The following DOCK7 variants were observed in gnomAD, a reference collection of about 807,000 sequenced individuals.
DOCK7 encodes the protein dedicator of cytokinesis 7, also known as dedicator of cytokinesis protein 7.
A neutral mutation model predicts 271.0 loss-of-function variants in DOCK7; 138 were observed. The ratio of observed to expected loss-of-function variants is 0.51; its 90% CI spans 0.44 to 0.59. The LOEUF is 0.59. Among genes scored for constraint, DOCK7 ranks in the 20% least tolerant of loss-of-function variants. The probability of loss-of-function intolerance (pLI) is 0.00; values close to 1 mark genes in which losing one functional copy is unlikely to be tolerated. For missense variants in DOCK7, 2,066 were observed against 2,592.4 expected (o/e 0.80, Z 4.41); for synonymous variants, 823 against 876.1 (o/e 0.94, Z 1.07).
chr1:62,503,162 A>C (rs1646836294), intron 37 of DOCK7, among the ~76,000 whole-genome samples: 1 of 152,174 alleles, frequency 6.6e-6, no homozygotes, highest in South Asian at 2.1e-4. Context: ...GAAACAGACA[A>C]ACACAGTAAT....
chr1:62,621,647 T>C (rs549224998), intron 12 of DOCK7, among the ~76,000 whole-genome samples: 1 of 152,210 alleles, frequency 6.6e-6, no homozygotes, highest in Non-Finnish European at 1.5e-5. Flanking sequence ...TAAGTGGTTA[T>C]AGTTTTTTAT....
At chr1:62,506,926 AACAAGAGCGAAAC>A (rs1646955705) in intron 35 of DOCK7, among the ~76,000 whole-genome samples, 1 of 149,844 alleles carries the variant, frequency 6.7e-6, no homozygotes, top group Admixed American at 6.7e-5. Context: ...CAGCCTGGGC[AACAAGAGCGAAAC>A]TCCACCTCAA....
intron 37 of DOCK7, among the ~76,000 whole-genome samples, chr1:62,503,852 C>T (rs1646860175): frequency 2.0e-5 from 3 of 152,016 alleles, no homozygotes; most frequent in Non-Finnish European, 4.4e-5. Context: ...TCGAGACCAT[C>T]CTGGCTAACA....
At position 62,648,195 on chromosome 1, in the gene DOCK7, G is replaced by C; in HGVS notation, c.643C>G (p.Pro215Ala). 1 of 1,613,610 alleles carries C rather than the reference G, an allele frequency of 6.2e-7. No individual in the cohort carries two copies. Among genetic ancestry groups the C allele is most frequent in the Non-Finnish European group, 8.5e-7 (1 of 1,179,764 alleles). ...TTCTGACGGTCTATTTCTTCATTTG[G>C]AGTTCGATCAAGTAAATTGGGAAGC... is the stretch of plus-strand genomic sequence containing the variant. ...ALLPNLLDRT[P>A]NEEIDRQNDD... The change falls in exon 6 of 50, where the codon CCA (proline) becomes GCA (alanine). Residue 215 changes from proline (P) to alanine (A), a missense_variant. Physicochemically the swap from Pro to Ala is conservative, Grantham distance 27. Around this residue, in one of 2 missense-constraint regions of DOCK7, gnomAD observed 1,414 missense variants for 1,670.4 expected, o/e 0.85. Transcript: ENST00000635253.
At chr1:62,650,013 G>A (rs1412082414) in intron 4 of DOCK7, among the ~76,000 whole-genome samples, 1 of 152,176 alleles carries the variant, frequency 6.6e-6, no homozygotes, top group African/African-American at 2.4e-5. Context: ...ACTTGGGGAG[G>A]CTGAAGTAAG....
At chr1:62,486,669 A>C (rs930360006) in intron 43 of DOCK7, 1 of 152,082 alleles carries the variant, frequency 6.6e-6, no homozygotes, top group Non-Finnish European at 1.5e-5. Context: ...CAATATATCA[A>C]ATGCTGTCAG....
chr1:62,594,650 G>C (rs774029547), intron 14 of DOCK7, among the ~76,000 whole-genome samples: 18 of 152,012 alleles, frequency 1.2e-4, no homozygotes, highest in Non-Finnish European at 2.2e-4. Context: ...ACACTACTAC[G>C]TATACATTCT....
chr1:62,606,130 C>T (rs957952230), intron 14 of DOCK7: 5 of 151,540 alleles, frequency 3.3e-5, no homozygotes, highest in African/African-American at 1.2e-4. Context: ...CAGAAAAGTA[C>T]AAAATAATAA....
intron 10 of DOCK7, 42 bp downstream of exon 10, chr1:62,633,456 A>G (rs971994376): frequency 4.9e-6 from 7 of 1,426,418 alleles, no homozygotes; most frequent in Non-Finnish European, 6.9e-6. Context: ...CCCAAGTTAC[A>G]ATAGTAATAA....
intron 18 of DOCK7, among the ~76,000 whole-genome samples, chr1:62,567,328 A>C (rs1284317123): frequency 2.0e-5 from 3 of 152,248 alleles, no homozygotes; most frequent in Non-Finnish European, 4.4e-5. Context: ...CTGGAGAAAG[A>C]AAATGTGGCA....
chr1:62,654,557 T>G (rs1250657892), intron 2 of DOCK7, among the ~76,000 whole-genome samples: 1 of 152,214 alleles, frequency 6.6e-6, no homozygotes, highest in Non-Finnish European at 1.5e-5. Context: ...TATTTCTTGT[T>G]TTTGTTGATT....
intron 37 of DOCK7, among the ~76,000 whole-genome samples, chr1:62,499,122 AC>A (rs1451258283): frequency 6.6e-6 from 1 of 152,166 alleles, no homozygotes; most frequent in African/African-American, 2.4e-5. Flanking sequence ...TTTTGGAAAC[AC>A]TGCCTGATAC....
chr1:62,638,787 CA>C (rs889692038), intron 7 of DOCK7, among the ~76,000 whole-genome samples: 1 of 150,946 alleles, frequency 6.6e-6, no homozygotes, highest in Non-Finnish European at 1.5e-5. Flanking sequence ...GAGAGGAAAG[CA>C]GGGGGGAGAA....
chr1:62,517,439 T>C (rs534010514), intron 31 of DOCK7, among the ~76,000 whole-genome samples: 118 of 152,044 alleles, frequency 7.8e-4, no homozygotes, highest in African/African-American at 2.7e-3. Context: ...CTATTAAAAA[T>C]ACAAAATTAG....
At chr1:62,658,000 T>C (rs1206770559) in intron 2 of DOCK7, among the ~76,000 whole-genome samples, 4 of 151,974 alleles carry the variant, frequency 2.6e-5, no homozygotes, top group Non-Finnish European at 4.4e-5. Flanking sequence ...GGCTGAAATA[T>C]ATCTGAAAAA....
rs893231320 is a variant in DOCK7, at chr1:62,552,159, T to G, written c.2766+573A>C. Among the ~76,000 whole-genome samples the G allele has an allele frequency of 3.3e-5, 5 of 150,884 alleles. No individual in the cohort carries two copies. In the Admixed American group the frequency reaches 3.3e-4, roughly 10 times the overall value. On this transcript the variant is annotated intron_variant, in intron 22 of 49. Coordinates refer to ENST00000635253, the MANE Select transcript of DOCK7 (RefSeq NM_001367561.1). ...TATTACAATAAAATATAATCAATAA[T>G]GAAAACAGGAATAAAAAACCTGAGT...
At chr1:62,573,234 G>C (rs1307055735) in intron 18 of DOCK7, among the ~76,000 whole-genome samples, 2 of 152,174 alleles carry the variant, frequency 1.3e-5, no homozygotes, top group Non-Finnish European at 2.9e-5. Flanking sequence ...AATTCAAAGG[G>C]CTGGAGGCAG....
intron 14 of DOCK7, among the ~76,000 whole-genome samples, chr1:62,614,685 C>T (rs1652226052): frequency 6.6e-6 from 1 of 151,920 alleles, no homozygotes; most frequent in Non-Finnish European, 1.5e-5. Flanking sequence ...ATGCACTTTA[C>T]ACATATTTAA....
chr1:62,587,299 T>TAAAAA, intron 14 of DOCK7, among the ~76,000 whole-genome samples: 17 of 41,804 alleles, frequency 4.1e-4, no homozygotes, highest in East Asian at 1.4e-3. Context: ...ACCAAATAGC[T>TAAAAA]AAAAAAAAAA....
Sources: gnomAD v4.1 joint callset for allele counts (sites outside exome capture counted in the v4.1 genomes callset) on GRCh38, gnomAD v4.1.1 for gene constraint, gnomAD v4.1.1 regional missense constraint, MANE v1.5 for transcripts, NCBI Gene and HGNC (gene_info 2026-07-23, HGNC 2026-07-21) for gene names.